PLEKHG3: variants seen among roughly 807,000 people sequenced by gnomAD.
The protein encoded by PLEKHG3 is pleckstrin homology domain-containing family G member 3.
In PLEKHG3, 62 loss-of-function variants were observed where a neutral mutation model predicts 94.9. That is an observed-to-expected ratio of 0.65 (90% confidence interval 0.53 to 0.81). PLEKHG3 has a LOEUF of 0.81. PLEKHG3 is among the 30% of genes least tolerant of loss of function. The pLI is 0.00. For missense variants in PLEKHG3, 1,461 were observed against 1,619.3 expected, an observed-to-expected ratio of 0.90 and a Z score of 1.68; for synonymous variants, 614 against 654.0, an observed-to-expected ratio of 0.94 and a Z score of 0.93.
Position 64,750,172 on chromosome 14 carries a change from G to C in PLEKHG3, c.*6469G>C. 6.2e-7 allele frequency: 1 copy of C among 1,608,470 alleles called. No individual in the cohort carries two copies. The highest frequency in any genetic ancestry group is 2.2e-5 in the East Asian group (1 of 44,726). On this transcript the variant is annotated 3_prime_UTR_variant, in exon 17 of 17. Coordinates refer to ENST00000247226, the MANE Select transcript of PLEKHG3 (RefSeq NM_001308147.2). The stretch of plus-strand genomic sequence containing the variant: ...TCCAGGACCTGCAAAGATGCAGACA[G>C]GCAGGTCACCCACATCCTGATATGG...
intron 12 of PLEKHG3, among the ~76,000 whole-genome samples, chr14:64,736,277 G>C (rs73273549): frequency 0.13 from 20,050 of 152,286 alleles, 1,383 homozygotes; most frequent in Middle Eastern, 0.18. Flanking sequence ...TTTGTATCCT[G>C]TCCCCAGAGC....
Position 64,741,139 on chromosome 14 carries a change from T to G in PLEKHG3, c.1622T>G (p.Leu541Arg), listed in dbSNP as rs2081680183. ...TPSDTESPEVLETQLDAHQGL... is the reference protein window; with the variant it reads ...TPSDTESPEVRETQLDAHQGL... ...TCAGACACAGAATCTCCAGAAGTCC[T>G]GGAGACACAGCTTGATGCCCACCAG... Residue 541 changes from leucine to arginine, a missense_variant, in exon 16 of 17, where the codon CTG becomes CGG. Around this residue, in one of 3 missense-constraint regions of PLEKHG3, gnomAD observed 1,201 missense variants for 1,295.5 expected, o/e 0.93. Transcript: ENST00000247226. The G allele has an allele frequency of 4.3e-6, 7 of 1,614,118 alleles. No homozygotes were observed. Among genetic ancestry groups the G allele is most frequent in the Non-Finnish European group, 5.9e-6 (7 of 1,180,008 alleles).
Position 64,730,732 on chromosome 14 carries a change from T to C in PLEKHG3, c.566+44T>C. The C allele has an allele frequency of 6.2e-7, 1 of 1,612,418 alleles. No individual in the cohort carries two copies. The highest frequency in any genetic ancestry group is 1.1e-5 in the South Asian group (1 of 91,018). ...AGGGAAGGCAGAGCCATTTGGTGAG[T>C]CCAGAGCCCCCCACTTCCTCATCCA... On this transcript the variant is annotated intron_variant, in intron 5 of 16. Coordinates refer to ENST00000247226, the MANE Select transcript of PLEKHG3 (RefSeq NM_001308147.2). This position sits in a 1 kb window ranked among gnomAD's most constrained non-coding sequence, Gnocchi z 5.4.
At position 64,743,618 on chromosome 14, in the gene PLEKHG3, G is replaced by A. The variant is rs577420778; in HGVS notation, c.3575G>A (p.Gly1192Asp). 5.0e-6 allele frequency: 8 copies of A among 1,612,660 alleles called. No individual in the cohort carries two copies. Among genetic ancestry groups the A allele is most frequent in the African/African-American group, 2.7e-5 (2 of 75,046 alleles). ...GCAGAGTGCCAGCCGAAGGAAGAGG[G>A]TTCCAGGGACCCGGCAGACCCGAGC... ...QSAECQPKEEGSRDPADPSQQ... is the reference protein window; with the variant it reads ...QSAECQPKEEDSRDPADPSQQ... Residue 1192 changes from glycine to aspartate, a missense_variant, in exon 17 of 17, where the codon GGT (glycine) becomes GAT (aspartate). Coordinates refer to ENST00000247226, the MANE Select transcript of PLEKHG3 (RefSeq NM_001308147.2). The surrounding 1 kb of genome is among the most constrained non-coding windows in gnomAD (Gnocchi z 7.2).
chr14:64,724,176 A>G (rs1299758406), intron 1 of PLEKHG3, among the ~76,000 whole-genome samples: 1 of 151,748 alleles, frequency 6.6e-6, no homozygotes, highest in Non-Finnish European at 1.5e-5. Flanking sequence ...TGAGCTACAC[A>G]CACATAATGG....
Position 64,716,435 on chromosome 14 carries a change from T to TAC in PLEKHG3, c.-39-11128_-39-11127dup, listed in dbSNP as rs61468622. Among the ~76,000 whole-genome samples the TAC allele has an allele frequency of 0.31, 32,829 of 104,838 alleles. 5,470 individuals are homozygous for TAC. The highest frequency in any genetic ancestry group is 0.47 in the East Asian group (1,669 of 3,566). 68.8% of individuals were successfully genotyped at this position (104,838 alleles called of 152,430 possible). The stretch of plus-strand genomic sequence containing the variant: ...GGTTAGAGAAGGTCATGTAGGGCCC[T>TAC]ACACACACACACACACACACACACA... On this transcript the variant is annotated intron_variant, in intron 1 of 16. Coordinates refer to ENST00000247226, the MANE Select transcript of PLEKHG3 (RefSeq NM_001308147.2). This position sits in a 1 kb window ranked among gnomAD's most constrained non-coding sequence, Gnocchi z 5.0.
Position 64,741,144 on chromosome 14 carries a change from A to G in PLEKHG3, c.1627A>G (p.Thr543Ala), listed in dbSNP as rs2081680395. Reference sequence around the variant, plus strand: ...CACAGAATCTCCAGAAGTCCTGGAGACACAGCTTGATGCCCACCAGGGCCT... The same window carrying G: ...CACAGAATCTCCAGAAGTCCTGGAGGCACAGCTTGATGCCCACCAGGGCCT... ...SDTESPEVLE[T>A]QLDAHQGLLG... Residue 543 changes from threonine to alanine, a missense_variant, in exon 16 of 17, where the codon ACA becomes GCA. Thr to Ala is a moderately conservative substitution (Grantham distance 58, BLOSUM62 0). Coordinates refer to ENST00000247226, the MANE Select transcript of PLEKHG3 (RefSeq NM_001308147.2). 1 of 1,614,112 alleles carries G rather than the reference A, an allele frequency of 6.2e-7. No individual in the cohort carries two copies. Among genetic ancestry groups the G allele is most frequent in the Non-Finnish European group, 8.5e-7 (1 of 1,180,010 alleles).
Position 64,742,994 on chromosome 14 carries a change from C to T in PLEKHG3, c.2951C>T (p.Pro984Leu), listed in dbSNP as rs749483679. ...TCTCTCCTCATAGGTAAGAGGAAGC[C>T]GGTGCTGTCTCTATTTGACTATGAG... Reference protein sequence around the residue: ...EPLGGKGKRKPVLSLFDYEQL... With the variant: ...EPLGGKGKRKLVLSLFDYEQL... Residue 984 changes from proline to leucine, a missense_variant, in exon 17 of 17, where the codon CCG (proline) becomes CTG (leucine). Pro to Leu is a moderately conservative substitution (Grantham distance 98, BLOSUM62 -3). Transcript: ENST00000247226. 63 of 1,613,094 alleles carry T rather than the reference C, an allele frequency of 3.9e-5. No homozygotes were observed. Among genetic ancestry groups the T allele is most frequent in the Non-Finnish European group, 5.1e-5 (60 of 1,179,838 alleles).
chr14:64,720,524 G>A lies in PLEKHG3; in HGVS notation c.-39-7069G>A, dbSNP rs149680375. On this transcript the variant is annotated intron_variant, in intron 1 of 16. Coordinates refer to ENST00000247226, the MANE Select transcript of PLEKHG3 (RefSeq NM_001308147.2). This position sits in a 1 kb window ranked among gnomAD's most constrained non-coding sequence, Gnocchi z 4.1. Reference sequence around the variant, plus strand: ...ATTTATTGAACACCTAATGTGCCTTGCTCTCTGGGGCTGAAGGGAAGGTAT... The same window carrying A: ...ATTTATTGAACACCTAATGTGCCTTACTCTCTGGGGCTGAAGGGAAGGTAT... Among the ~76,000 whole-genome samples, 1,273 of 152,282 alleles carry A rather than the reference G, an allele frequency of 8.4e-3. 18 individuals are homozygous for A. Among genetic ancestry groups the A allele is most frequent in the African/African-American group, 0.029 (1,212 of 41,548 alleles).
At chr14:64,736,991 T>G in intron 13 of PLEKHG3, 100 bp downstream of exon 13, 1 of 900,246 alleles carries the variant, frequency 1.1e-6, no homozygotes, top group South Asian at 1.3e-5. Context: ...GGGTGGAGGA[T>G]TGTCAGAATA....
In PLEKHG3 at chr14:64,715,742, C is replaced by T; in HGVS notation, c.-40+11038C>T. 3.3e-6 allele frequency: 1 copy of T among 306,342 alleles called. No homozygotes were observed. Among genetic ancestry groups the T allele is most frequent in the Non-Finnish European group, 6.4e-6 (1 of 156,530 alleles). 19.0% of individuals were successfully genotyped at this position (306,342 alleles called of 1,614,324 possible). The stretch of plus-strand genomic sequence containing the variant: ...TTAATTGCTGGAGGTTTGTGCAGGT[C>T]CTCAGCCCTGTGGCGCTCACCTCCC... On this transcript the variant is annotated intron_variant, in intron 1 of 16. Coordinates refer to ENST00000247226, the MANE Select transcript of PLEKHG3 (RefSeq NM_001308147.2). This position sits in a 1 kb window ranked among gnomAD's most constrained non-coding sequence, Gnocchi z 4.4.
chr14:64,738,334 C>T lies in PLEKHG3; in HGVS notation c.1405-408C>T. The T allele has an allele frequency of 1.7e-6, 1 of 574,400 alleles. No individual in the cohort carries two copies. Among genetic ancestry groups the T allele is most frequent in the South Asian group, 1.8e-5 (1 of 56,498 alleles). The allele number at this position is 574,400 out of a possible 1,614,324, so 35.6% of individuals were successfully genotyped here. A position where few individuals can be genotyped will look rare whatever the true frequency, so the allele number is the denominator to read the frequency against. ...CTCACCCCACCCTGCCCTGGTTTTA[C>T]TCCTCCCCTCAGCACTTAACACCAT... On this transcript the variant is annotated intron_variant, in intron 14 of 16. Transcript: ENST00000247226. The surrounding 1 kb of genome is among the most constrained non-coding windows in gnomAD (Gnocchi z 4.8).
At chr14:64,712,516 G>T (rs1594659657) in intron 1 of PLEKHG3, among the ~76,000 whole-genome samples, 3 of 152,158 alleles carry the variant, frequency 2.0e-5, no homozygotes, top group Admixed American at 1.3e-4. Context: ...GTGGTTTTCA[G>T]CATACAAGTC....
chr14:64,736,844 C>T lies in PLEKHG3; in HGVS notation c.1346-9C>T, dbSNP rs962680016. The stretch of plus-strand genomic sequence containing the variant: ...CCCGCGCTGACTCTGCTCATGCTTT[C>T]CTCCTCAGAGCCAACCAAACACCTG... On this transcript the variant is annotated splice_polypyrimidine_tract_variant and intron_variant, in intron 12 of 16. Coordinates refer to ENST00000247226, the MANE Select transcript of PLEKHG3 (RefSeq NM_001308147.2). 3 of 1,610,806 alleles carry T rather than the reference C, an allele frequency of 1.9e-6. No homozygotes were observed. Among genetic ancestry groups the T allele is most frequent in the Non-Finnish European group, 2.5e-6 (3 of 1,177,078 alleles).
chr14:64,712,100 A>C (rs1003281095), intron 1 of PLEKHG3, among the ~76,000 whole-genome samples: 2 of 152,196 alleles, frequency 1.3e-5, no homozygotes, highest in Non-Finnish European at 2.9e-5. Flanking sequence ...TCTCTATTGA[A>C]TTGTCTTGGC....
chr14:64,749,959 T>C lies in PLEKHG3; in HGVS notation c.*6256T>C. On this transcript the variant is annotated 3_prime_UTR_variant, in exon 17 of 17. Coordinates refer to ENST00000247226, the MANE Select transcript of PLEKHG3 (RefSeq NM_001308147.2). This position sits in a 1 kb window ranked among gnomAD's most constrained non-coding sequence, Gnocchi z 4.7. ...CAAATCAAGCCATCAACCCGAGCTT[T>C]CAAAGGCCAGGAAGGCCTCACCTCA... The C allele has an allele frequency of 3.1e-6, 5 of 1,614,190 alleles. No homozygotes were observed. Among genetic ancestry groups the C allele is most frequent in the Non-Finnish European group, 4.2e-6 (5 of 1,180,034 alleles).
intron 1 of PLEKHG3, among the ~76,000 whole-genome samples, chr14:64,719,557 C>T (rs898004975): frequency 3.9e-5 from 6 of 151,958 alleles, no homozygotes; most frequent in Non-Finnish European, 7.4e-5. Context: ...ATGGGGTCTG[C>T]CTGACTCCAC....
intron 1 of PLEKHG3, among the ~76,000 whole-genome samples, chr14:64,711,979 A>T (rs2081071900): frequency 6.6e-6 from 1 of 152,194 alleles, no homozygotes; most frequent in Admixed American, 6.5e-5. Context: ...TAGCTCTTAC[A>T]TTTAGGTCTG....
At chr14:64,740,841 C>T (rs753662506) in intron 15 of PLEKHG3, among the ~76,000 whole-genome samples, 195 bp from the exon 16 acceptor site, 8 of 152,334 alleles carry the variant, frequency 5.3e-5, no homozygotes, top group South Asian at 2.1e-4. Flanking sequence ...CCCCACTGTA[C>T]GGTGACTAAA....
Sources: gnomAD v4.1 joint callset for allele counts (sites outside exome capture counted in the v4.1 genomes callset) on GRCh38, gnomAD v4.1.1 for gene constraint, gnomAD v4.1.1 regional missense constraint, Gnocchi (gnomAD v3.1) non-coding constraint, MANE v1.5 for transcripts, NCBI Gene and HGNC (gene_info 2026-07-23, HGNC 2026-07-21) for gene names.